Variants in RFTN1 observed in about 807,000 individuals in gnomAD.
The protein encoded by RFTN1 is raftlin.
Under a neutral mutation model 46.5 loss-of-function variants are expected in RFTN1, and 26 were observed. That is an observed-to-expected ratio of 0.56 (90% CI 0.41 to 0.78). The LOEUF is 0.78. Among genes scored for constraint, RFTN1 ranks in the 30% least tolerant of loss-of-function variants. The probability of loss-of-function intolerance (pLI) is 0.00; values close to 1 mark genes in which losing one functional copy is unlikely to be tolerated. For synonymous variants in RFTN1, 261 were observed against 284.2 expected, an observed-to-expected ratio of 0.92 and a Z score of 0.82; for missense variants, 693 against 718.7, an observed-to-expected ratio of 0.96 and a Z score of 0.41.
rs1246510866 is a variant in RFTN1, at chr3:16,493,727, G to C, written c.143C>G (p.Ala48Gly). 6.7e-7 allele frequency: 1 copy of C among 1,484,408 alleles called. No individual in the cohort carries two copies. The highest frequency in any genetic ancestry group is 1.1e-5 in the South Asian group (1 of 89,742). 92.0% of individuals were successfully genotyped at this position (1,484,408 alleles called of 1,614,324 possible). A position where few individuals can be genotyped will look rare whatever the true frequency, so the allele number is the denominator to read the frequency against. Residue 48 changes from alanine (A) to glycine (G), a missense_variant and splice_region_variant, in exon 2 of 10, where the codon GCT becomes GGT. Coordinates refer to ENST00000334133, the MANE Select transcript of RFTN1 (RefSeq NM_015150.2). ...YRFLEFTTLSAAELPGSSAVR... is the reference protein window; with the variant it reads ...YRFLEFTTLSGAELPGSSAVR... ...CCATTCCCACCCCATGTACTCACCAGCACTCAGAGTCGTGAACTCCAGGAA... is the reference window on the plus strand; with the variant it reads ...CCATTCCCACCCCATGTACTCACCACCACTCAGAGTCGTGAACTCCAGGAA...
At chr3:16,332,343 ACT>A (rs2070402431) in intron 7 of RFTN1, among the ~76,000 whole-genome samples, 1 of 77,566 alleles carries the variant, frequency 1.3e-5, no homozygotes, top group African/African-American at 5.3e-5. Flanking sequence ...TTGTCTTCCA[ACT>A]TTTATGTTTT....
chr3:16,434,079 A>C, intron 2 of RFTN1, 42 bp from the exon 3 acceptor site: 2 of 1,495,966 alleles, frequency 1.3e-6, no homozygotes, highest in Non-Finnish European at 1.8e-6. Flanking sequence ...ACCCATCACA[A>C]CGCCCACTCA....
chr3:16,363,036 C>T (rs529857351), intron 6 of RFTN1, among the ~76,000 whole-genome samples: 10 of 152,310 alleles, frequency 6.6e-5, no homozygotes, highest in African/African-American at 2.2e-4. Flanking sequence ...TCCCAGCCTC[C>T]CCACCTCAGC....
chr3:16,331,895 G>A (rs779671957), intron 7 of RFTN1, among the ~76,000 whole-genome samples: 10 of 152,206 alleles, frequency 6.6e-5, no homozygotes, highest in South Asian at 2.1e-4. Flanking sequence ...AGGTACAGAC[G>A]TCTGGGCTGA....
At chr3:16,502,888 G>A (rs1399326190) in intron 1 of RFTN1, among the ~76,000 whole-genome samples, 2 of 152,184 alleles carry the variant, frequency 1.3e-5, no homozygotes, top group Non-Finnish European at 2.9e-5. Flanking sequence ...CCAGGTTTTA[G>A]GGCAATTTAC....
intron 6 of RFTN1, among the ~76,000 whole-genome samples, chr3:16,358,654 A>G (rs1016635687): frequency 2.0e-5 from 3 of 152,154 alleles, no homozygotes; most frequent in Non-Finnish European, 2.9e-5. Flanking sequence ...TCAATGTACC[A>G]GGTTCTGAGC....
chr3:16,354,961 C>T (rs145704932), intron 7 of RFTN1, among the ~76,000 whole-genome samples: 3 of 152,326 alleles, frequency 2.0e-5, no homozygotes, highest in African/African-American at 7.2e-5. Flanking sequence ...ATAAGGATGG[C>T]CTTTCCTCCA....
intron 4 of RFTN1, among the ~76,000 whole-genome samples, chr3:16,388,285 C>G (rs1158853169): frequency 1.3e-5 from 2 of 152,222 alleles, no homozygotes; most frequent in Non-Finnish European, 2.9e-5. Context: ...GGCAGTTTGT[C>G]TCTTTTGCCT....
At position 16,322,803 on chromosome 3, in the gene RFTN1, G is replaced by A. The variant is rs1008149398; in HGVS notation, c.1332+573C>T. Among the ~76,000 whole-genome samples the A allele has an allele frequency of 1.6e-4, 24 of 152,248 alleles. No individual in the cohort carries two copies. The highest frequency in any genetic ancestry group is 5.8e-4 in the African/African-American group (24 of 41,538). On this transcript the variant is annotated intron_variant, in intron 9 of 9. Transcript: ENST00000334133. This position sits in a 1 kb window ranked among gnomAD's most constrained non-coding sequence, Gnocchi z 6.2. ...TCAGAGTCCGGAGAGGGGGAAAAGG[G>A]CCCTGGGGATCTCTTGAGGACAGCC... is the stretch of plus-strand genomic sequence containing the variant.
rs978723202 is a variant in RFTN1 at position 16,387,983 on chromosome 3, T to C, written c.442-9881A>G. ...CCCTCACAGCAGCCAGGCTGGTATC[T>C]GAAAGATGTGAGCCAGTTAAGGCTG... On this transcript the variant is annotated intron_variant, in intron 4 of 9. Transcript: ENST00000334133. This position sits in a 1 kb window ranked among gnomAD's most constrained non-coding sequence, Gnocchi z 5.2. 6.6e-6 allele frequency among the ~76,000 whole-genome samples: 1 copy of C among 152,194 alleles called. No individual in the cohort carries two copies. Among genetic ancestry groups the C allele is most frequent in the African/African-American group, 2.4e-5 (1 of 41,450 alleles).
intron 4 of RFTN1, among the ~76,000 whole-genome samples, chr3:16,405,030 C>T (rs931485130): frequency 6.6e-6 from 1 of 152,150 alleles, no homozygotes; most frequent in Admixed American, 6.5e-5. Context: ...AAGTGCTCTC[C>T]AAACTGTAGA....
Position 16,450,345 on chromosome 3 carries a change from G to A in RFTN1, c.146-16308C>T, listed in dbSNP as rs1644511286. Among the ~76,000 whole-genome samples, 2 of 152,190 alleles carry A rather than the reference G, an allele frequency of 1.3e-5. No homozygotes were observed. The highest frequency in any genetic ancestry group is 6.5e-5 in the Admixed American group (1 of 15,280). On this transcript the variant is annotated intron_variant, in intron 2 of 9. Transcript: ENST00000334133. The surrounding 1 kb of genome is among the most constrained non-coding windows in gnomAD (Gnocchi z 4.6). Reference sequence around the variant, plus strand: ...CCCCAAATGTCTATCCTTAGCTATGGCATAGAAAGGGGAGGCTGAAGAGAT... The same window carrying A: ...CCCCAAATGTCTATCCTTAGCTATGACATAGAAAGGGGAGGCTGAAGAGAT...
intron 3 of RFTN1, among the ~76,000 whole-genome samples, chr3:16,423,885 G>A (rs571238789): frequency 3.3e-5 from 5 of 152,248 alleles, no homozygotes; most frequent in African/African-American, 9.6e-5. Context: ...CAAAAGACAC[G>A]TAATAAATAC....
At position 16,506,472 on chromosome 3, in the gene RFTN1, G is replaced by A. The variant is rs1022315006; in HGVS notation, c.-9+6970C>T. ...ATGACAGCAGGGAACCCAGATGACA[G>A]TAAGTAGAGGTGTGAGCAGTGGTCA... is the stretch of plus-strand genomic sequence containing the variant. On this transcript the variant is annotated intron_variant, in intron 1 of 9. Transcript: ENST00000334133. This position sits in a 1 kb window ranked among gnomAD's most constrained non-coding sequence, Gnocchi z 4.8. Among the ~76,000 whole-genome samples the A allele has an allele frequency of 6.6e-6, 1 of 152,152 alleles. No homozygotes were observed. Among genetic ancestry groups the A allele is most frequent in the African/African-American group, 2.4e-5 (1 of 41,432 alleles).
At chr3:16,393,705 C>T (rs1177700687) in intron 4 of RFTN1, among the ~76,000 whole-genome samples, 2 of 150,582 alleles carry the variant, frequency 1.3e-5, no homozygotes, top group African/African-American at 4.9e-5. Flanking sequence ...CTCACCCAGG[C>T]TGTAGTGCAG....
intron 2 of RFTN1, among the ~76,000 whole-genome samples, chr3:16,453,019 A>C (rs557919497): frequency 6.6e-6 from 1 of 152,228 alleles, no homozygotes; most frequent in Non-Finnish European, 1.5e-5. Flanking sequence ...GCTACCTTCC[A>C]TTGGACATAT....
In RFTN1 at chr3:16,461,627, A is replaced by G. The variant is rs2076009624; in HGVS notation, c.146-27590T>C. 2.6e-5 allele frequency among the ~76,000 whole-genome samples: 4 copies of G among 152,226 alleles called. No individual in the cohort carries two copies. The South Asian group carries it at 8.3e-4, about 32-fold the overall frequency. On this transcript the variant is annotated intron_variant, in intron 2 of 9. Transcript: ENST00000334133. ...ACAATTACACGATATGACCATGTTT[A>G]CATTATCAAAGGGAGGCAGACCAAA...
At position 16,316,573 on chromosome 3, in the gene RFTN1, C is replaced by T. The variant is rs2068418224; in HGVS notation, c.*255G>A. 3.8e-6 allele frequency: 2 copies of T among 525,834 alleles called. No individual in the cohort carries two copies. The highest frequency in any genetic ancestry group is 6.8e-6 in the Non-Finnish European group (2 of 293,562). The allele number at this position is 525,834 out of a possible 1,614,324, so 32.6% of individuals were successfully genotyped here. On this transcript the variant is annotated 3_prime_UTR_variant, in exon 10 of 10. Transcript: ENST00000334133. The surrounding 1 kb of genome is among the most constrained non-coding windows in gnomAD (Gnocchi z 4.5). Reference sequence around the variant, plus strand: ...GTGGAGCCAGGACTGGGCCTTCAGCCATGAGGGCTAGAATAACCTGACCTC... The same window carrying T: ...GTGGAGCCAGGACTGGGCCTTCAGCTATGAGGGCTAGAATAACCTGACCTC...
At chr3:16,323,665 G>A (rs1161365974) in intron 8 of RFTN1, among the ~76,000 whole-genome samples, 1 of 152,158 alleles carries the variant, frequency 6.6e-6, no homozygotes, top group East Asian at 1.9e-4. Context: ...AAAGCTTTTT[G>A]GGTATCCCTA....
Sources: gnomAD v4.1 joint callset for allele counts (sites outside exome capture counted in the v4.1 genomes callset) on GRCh38, gnomAD v4.1.1 for gene constraint, Gnocchi (gnomAD v3.1) non-coding constraint, MANE v1.5 for transcripts, NCBI Gene and HGNC (gene_info 2026-07-23, HGNC 2026-07-21) for gene names.